TAFA4: variants seen among roughly 807,000 people sequenced by gnomAD.
TAFA4 encodes TAFA chemokine like family member 4, also known as chemokine-like protein TAFA-4.
A neutral mutation model predicts 21.1 loss-of-function variants in TAFA4; 20 were observed. That is an observed-to-expected ratio of 0.95 (90% confidence interval 0.67 to 1.38). TAFA4 has a LOEUF of 1.38. Ranked by LOEUF, TAFA4 falls within the 40% of genes most tolerant of loss-of-function variation. The pLI, the probability that TAFA4 is intolerant of heterozygous loss-of-function variation, is 0.00. For missense variants in TAFA4, 211 were observed against 180.9 expected (o/e 1.17, Z -0.95); for synonymous variants, 71 against 67.4 (o/e 1.05, Z -0.26).
At chr3:68,889,046 T>G (rs568731618) in intron 1 of TAFA4, among the ~76,000 whole-genome samples, 1 of 152,260 alleles carries the variant, frequency 6.6e-6, no homozygotes, top group African/African-American at 2.4e-5. Flanking sequence ...TTCCCAACTA[T>G]AACACAGTCC....
chr3:68,927,079 A>G (rs2090115062), intron 1 of TAFA4, among the ~76,000 whole-genome samples: 1 of 152,174 alleles, frequency 6.6e-6, no homozygotes, highest in Non-Finnish European at 1.5e-5. Flanking sequence ...AGACATTGCC[A>G]AAACTCCTCT....
chr3:68,808,740 C>T (rs933482210), intron 3 of TAFA4, among the ~76,000 whole-genome samples: 2 of 152,150 alleles, frequency 1.3e-5, no homozygotes, highest in African/African-American at 4.8e-5. Flanking sequence ...GCACAGCAGT[C>T]AGAATAGGTT....
intron 5 of TAFA4, among the ~76,000 whole-genome samples, chr3:68,735,893 A>G (rs1702233375): frequency 6.6e-6 from 1 of 152,110 alleles, no homozygotes; most frequent in Non-Finnish European, 1.5e-5. Context: ...GCTTTGTAGG[A>G]TGTTTAGTAG....
chr3:68,825,396 T>A (rs947665128), intron 3 of TAFA4, among the ~76,000 whole-genome samples: 1 of 152,198 alleles, frequency 6.6e-6, no homozygotes, highest in Non-Finnish European at 1.5e-5. Context: ...TTGGGTTGAC[T>A]CCAATCTCAT....
intron 3 of TAFA4, among the ~76,000 whole-genome samples, chr3:68,770,494 T>C (rs1255161686): frequency 2.0e-5 from 3 of 152,136 alleles, no homozygotes; most frequent in African/African-American, 7.2e-5. Context: ...ATTATAAAAA[T>C]GGAAATAAAG....
chr3:68,799,619 T>C (rs79605142), intron 3 of TAFA4, among the ~76,000 whole-genome samples: 2 of 152,182 alleles, frequency 1.3e-5, no homozygotes, highest in African/African-American at 2.4e-5. Context: ...TAGCTCCTTA[T>C]AGGAAGAGGC....
chr3:68,810,526 T>C (rs1703811723), intron 3 of TAFA4, among the ~76,000 whole-genome samples: 1 of 152,156 alleles, frequency 6.6e-6, no homozygotes, highest in Non-Finnish European at 1.5e-5. Flanking sequence ...GAAGATTATA[T>C]CCTGCGCCTG....
chr3:68,776,249 A>G (rs1361538952), intron 3 of TAFA4, among the ~76,000 whole-genome samples: 1 of 152,160 alleles, frequency 6.6e-6, no homozygotes, highest in East Asian at 1.9e-4. Context: ...AGACAAAAAC[A>G]AGACCCAAAT....
chr3:68,844,064 A>G (rs766800948), intron 3 of TAFA4, among the ~76,000 whole-genome samples: 10 of 151,888 alleles, frequency 6.6e-5, no homozygotes, highest in Non-Finnish European at 1.0e-4. Flanking sequence ...CTCTTTTTCT[A>G]TTTTTTGGAA....
At chr3:68,735,308 T>C (rs1443770363) in intron 5 of TAFA4, among the ~76,000 whole-genome samples, 1 of 152,104 alleles carries the variant, frequency 6.6e-6, no homozygotes, top group Non-Finnish European at 1.5e-5. Flanking sequence ...CAGTTTCCAA[T>C]GGGGATCCAT....
chr3:68,840,512 C>A (rs1303175116), intron 3 of TAFA4, among the ~76,000 whole-genome samples: 1 of 152,166 alleles, frequency 6.6e-6, no homozygotes, highest in Admixed American at 6.5e-5. Flanking sequence ...CCACAATGCC[C>A]AGCCCACTTA....
intron 3 of TAFA4, among the ~76,000 whole-genome samples, chr3:68,791,605 T>C (rs1220233935): frequency 6.6e-6 from 1 of 152,242 alleles, no homozygotes. Flanking sequence ...CTTTATAACG[T>C]ATCATCACTT....
At chr3:68,827,387 T>C (rs1349703466) in intron 3 of TAFA4, among the ~76,000 whole-genome samples, 2 of 152,214 alleles carry the variant, frequency 1.3e-5, no homozygotes, top group Non-Finnish European at 2.9e-5. Flanking sequence ...TTATAATCCT[T>C]TGGATATATA....
intron 3 of TAFA4, 142 bp downstream of exon 3, chr3:68,880,588 T>G: frequency 1.6e-6 from 1 of 638,880 alleles, no homozygotes; most frequent in African/African-American, 1.8e-5. Context: ...TAAACTGTGT[T>G]ACTCCGCCAT....
intron 2 of TAFA4, among the ~76,000 whole-genome samples, chr3:68,883,381 G>A (rs929580719): frequency 1.3e-5 from 2 of 152,086 alleles, no homozygotes; most frequent in African/African-American, 4.8e-5. Context: ...CCCCTTTTAG[G>A]GCTTATCTGA....
chr3:68,747,745 G>A (rs987307637), intron 4 of TAFA4, among the ~76,000 whole-genome samples: 11 of 151,960 alleles, frequency 7.2e-5, no homozygotes, highest in East Asian at 3.8e-4. Context: ...CTCCTTCTCC[G>A]GAATCTTACA....
At chr3:68,836,020 T>G (rs923054899) in intron 3 of TAFA4, among the ~76,000 whole-genome samples, 1 of 152,252 alleles carries the variant, frequency 6.6e-6, no homozygotes, top group Admixed American at 6.5e-5. Flanking sequence ...GCAATATTAT[T>G]ACAAAGAAAC....
At chr3:68,758,020 C>T (rs1702689373) in intron 3 of TAFA4, among the ~76,000 whole-genome samples, 1 of 151,904 alleles carries the variant, frequency 6.6e-6, no homozygotes, top group Non-Finnish European at 1.5e-5. Flanking sequence ...AGAAAATGTA[C>T]AGAAATTAAC....
rs547098984 is a variant in TAFA4, at chr3:68,911,874, C to T, written c.-123+20366G>A. On this transcript the variant is annotated intron_variant, in intron 1 of 5. Transcript: ENST00000295569. ...AGTGGTAATACGTTTCCGACCCACA[C>T]GGAGGGCTCTAGTGCCCAGATCATC... is the stretch of plus-strand genomic sequence containing the variant. 9.0e-4 allele frequency among the ~76,000 whole-genome samples: 137 copies of T among 152,164 alleles called. 1 individual carries two copies. Among genetic ancestry groups the T allele is most frequent in the Non-Finnish European group, 1.8e-3 (121 of 68,028 alleles).
Sources: allele counts gnomAD v4.1 joint callset (sites outside exome capture counted in the v4.1 genomes callset), GRCh38; gene constraint gnomAD v4.1.1; transcripts MANE v1.5; gene names NCBI Gene and HGNC (gene_info 2026-07-23, HGNC 2026-07-21).